The following CDC27 variants were observed in gnomAD, a reference collection of about 807,000 sequenced individuals.
CDC27 encodes the protein cell division cycle 27, also known as cell division cycle protein 27 homolog.
A neutral mutation model predicts 109.7 loss-of-function variants in CDC27; 27 were observed. The observed-to-expected ratio is 0.25, with a 90% confidence interval of 0.18 to 0.34. The LOEUF is 0.34. Ranked by LOEUF, CDC27 falls within the 10% of genes least tolerant of loss-of-function variation. The pLI, the probability that CDC27 is intolerant of heterozygous loss-of-function variation, is 1.00. For synonymous variants in CDC27, 266 were observed against 333.9 expected, an observed-to-expected ratio of 0.80 and a Z score of 2.22; for missense variants, 579 against 960.2, an observed-to-expected ratio of 0.60 and a Z score of 5.25.
At position 47,156,898 on chromosome 17, in the gene CDC27, T is replaced by C. The variant is rs760632084; in HGVS notation, c.842+15A>G. ...TGGTATTATAGCACATTTGAAAGTATCTTGTTTGACTTACCTTGGGGTTAA... is the reference window on the plus strand; with the variant it reads ...TGGTATTATAGCACATTTGAAAGTACCTTGTTTGACTTACCTTGGGGTTAA... On this transcript the variant is annotated intron_variant, in intron 7 of 18. Transcript: ENST00000066544. 5.2e-6 allele frequency: 5 copies of C among 955,408 alleles called. No homozygotes were observed. The South Asian group carries it at 8.8e-5, about 17-fold the overall frequency. 59.2% of individuals were successfully genotyped at this position (955,408 alleles called of 1,614,324 possible). A position where few individuals can be genotyped will look rare whatever the true frequency, so the allele number is the denominator to read the frequency against.
chr17:47,182,893 G>A (rs2064298434), intron 1 of CDC27, among the ~76,000 whole-genome samples: 3 of 151,956 alleles, frequency 2.0e-5, no homozygotes, highest in Admixed American at 2.0e-4. Flanking sequence ...TATCACGGTG[G>A]TGTGAGCCTT....
At chr17:47,147,579 A>C (rs1030880343) in intron 9 of CDC27, among the ~76,000 whole-genome samples, 1 of 152,086 alleles carries the variant, frequency 6.6e-6, no homozygotes, top group Non-Finnish European at 1.5e-5. Context: ...ATACGTTCAA[A>C]AACATAGAAG....
intron 9 of CDC27, among the ~76,000 whole-genome samples, chr17:47,147,255 T>C (rs858681): frequency 0.73 from 109,514 of 150,934 alleles, 40,085 homozygotes; most frequent in Admixed American, 0.82. Context: ...AAAAATTAGC[T>C]GGGCATGGTG....
intron 1 of CDC27, among the ~76,000 whole-genome samples, chr17:47,186,760 GA>G (rs76364895): frequency 0.083 from 12,463 of 149,712 alleles, 691 homozygotes; most frequent in South Asian, 0.19. Context: ...AAACTTTAAA[GA>G]AAAAAAAATG....
At chr17:47,133,507 A>G (rs9747171) in intron 14 of CDC27, among the ~76,000 whole-genome samples, 82,488 of 149,788 alleles carry the variant, frequency 0.55, 23,053 homozygotes, top group Admixed American at 0.63. Context: ...TGGCATGATC[A>G]CAGCTCACCA....
intron 12 of CDC27, among the ~76,000 whole-genome samples, chr17:47,140,536 CA>C (rs2062763579): frequency 2.0e-5 from 3 of 151,566 alleles, no homozygotes; most frequent in Non-Finnish European, 2.9e-5. Context: ...ATGGCATAGA[CA>C]AAAAGAAAAA....
chr17:47,156,417 C>T (rs1199967191), intron 7 of CDC27, among the ~76,000 whole-genome samples: 4 of 151,660 alleles, frequency 2.6e-5, no homozygotes, highest in Admixed American at 6.6e-5. Flanking sequence ...GGATTACAGG[C>T]GTGAGCCACT....
chr17:47,173,204 G>GT (rs1322843673), intron 2 of CDC27, among the ~76,000 whole-genome samples: 2 of 152,148 alleles, frequency 1.3e-5, no homozygotes, highest in Admixed American at 1.3e-4. Flanking sequence ...TTATTTCTAA[G>GT]TTTTTTGTCA....
chr17:47,155,223 A>C (rs999617694), intron 7 of CDC27, among the ~76,000 whole-genome samples: 7 of 152,062 alleles, frequency 4.6e-5, no homozygotes, highest in Non-Finnish European at 1.5e-5. Flanking sequence ...TCAGGACCTG[A>C]TTCATAGAAT....
chr17:47,185,462 C>T (rs140377977), intron 1 of CDC27, among the ~76,000 whole-genome samples: 2,699 of 152,288 alleles, frequency 0.018, 32 homozygotes, highest in Non-Finnish European at 0.028. Context: ...GGATTACAGG[C>T]GTGAGGCACC....
At chr17:47,155,416 T>G (rs1447811884) in intron 7 of CDC27, among the ~76,000 whole-genome samples, 1 of 152,092 alleles carries the variant, frequency 6.6e-6, no homozygotes, top group East Asian at 1.9e-4. Context: ...GGGCTAATTT[T>G]TGTAATTTTA....
At position 47,160,434 on chromosome 17, in the gene CDC27, C is replaced by T. The variant is rs955417940; in HGVS notation, c.378-2131G>A. ...AGAGATAGGGTTTCACCAGGTTGGC[C>T]AGGCTGTTTTTGAACTCCTGGACTC... On this transcript the variant is annotated intron_variant, in intron 4 of 18. Coordinates refer to ENST00000066544, the MANE Select transcript of CDC27 (RefSeq NM_001256.6). Among the ~76,000 whole-genome samples the T allele has an allele frequency of 4.6e-5, 7 of 152,168 alleles. No homozygotes were observed. The South Asian group carries it at 1.5e-3, about 32-fold the overall frequency.
chr17:47,133,446 GTT>G (rs548608433), intron 14 of CDC27, among the ~76,000 whole-genome samples: 1 of 121,570 alleles, frequency 8.2e-6, no homozygotes, highest in Non-Finnish European at 1.7e-5. Flanking sequence ...CTGTTTTTTT[GTT>G]TTTTTTTTGA....
intron 9 of CDC27, among the ~76,000 whole-genome samples, chr17:47,147,277 T>C (rs1012195839): frequency 1.3e-5 from 2 of 151,544 alleles, no homozygotes; most frequent in African/African-American, 4.9e-5. Context: ...CGCGCGCCTG[T>C]AGTCCCAGCT....
intron 15 of CDC27, among the ~76,000 whole-genome samples, chr17:47,130,224 G>A (rs1054805667): frequency 1.3e-5 from 2 of 152,142 alleles, no homozygotes; most frequent in Non-Finnish European, 2.9e-5. Context: ...AGCCGGGCGT[G>A]GTGTCACACG....
intron 4 of CDC27, among the ~76,000 whole-genome samples, chr17:47,160,405 T>C (rs2063464101): frequency 6.6e-6 from 1 of 152,044 alleles, no homozygotes; most frequent in Non-Finnish European, 1.5e-5. Context: ...TTTTATATTT[T>C]AGTAGAGATA....
chr17:47,122,577 C>G lies in CDC27; in HGVS notation c.2259G>C (p.Thr753=), dbSNP rs369639656. ...IGKVYKKLGQ[T]HLALMNFSWA... The stretch of plus-strand genomic sequence containing the variant: ...AAGAGAAATTCATCAGGGCGAGGTG[C>G]GTTTGACCTAACTTCTTGTAAACCT... Residue 753 remains threonine, a synonymous_variant, in exon 18 of 19, where the codon ACG becomes ACC. Coordinates refer to ENST00000066544, the MANE Select transcript of CDC27 (RefSeq NM_001256.6). 2 of 1,597,930 alleles carry G rather than the reference C, an allele frequency of 1.3e-6. No individual in the cohort carries two copies. The highest frequency in any genetic ancestry group is 2.2e-5 in the East Asian group (1 of 44,660).
chr17:47,185,486 A>G (rs933758062), intron 1 of CDC27, among the ~76,000 whole-genome samples: 2 of 152,056 alleles, frequency 1.3e-5, no homozygotes, highest in African/African-American at 2.4e-5. Flanking sequence ...CCCGGCCTGT[A>G]ATCATTATAA....
At chr17:47,170,136 A>G in intron 3 of CDC27, 94 bp from the exon 4 acceptor site, 2 of 955,930 alleles carry the variant, frequency 2.1e-6, no homozygotes, top group Non-Finnish European at 3.0e-6. Context: ...CTAACTATGG[A>G]GACACAAATT....
Sources: gnomAD v4.1 joint callset for allele counts (sites outside exome capture counted in the v4.1 genomes callset) on GRCh38, gnomAD v4.1.1 for gene constraint, MANE v1.5 for transcripts, NCBI Gene and HGNC (gene_info 2026-07-23, HGNC 2026-07-21) for gene names.